SLC2A14: variants seen among roughly 807,000 people sequenced by gnomAD.
The protein encoded by SLC2A14 is solute carrier family 2, facilitated glucose transporter member 14.
A neutral mutation model predicts 43.0 loss-of-function variants in SLC2A14; 13 were observed. The observed-to-expected ratio is 0.30, with a 90% CI of 0.20 to 0.48. The LOEUF (loss-of-function observed/expected upper bound fraction) is 0.48, where lower values mean the gene tolerates loss of function less well. SLC2A14 is among the 20% of genes least tolerant of loss of function. The pLI is 0.99. For synonymous variants in SLC2A14, 190 were observed against 233.8 expected, an observed-to-expected ratio of 0.81 and a Z score of 1.71; for missense variants, 428 against 620.4, an observed-to-expected ratio of 0.69 and a Z score of 3.29.
upstream of SLC2A14, among the ~76,000 whole-genome samples, chr12:7,874,844 T>TTTATATATAAA (rs1491401737): frequency 3.6e-5 from 3 of 84,182 alleles, no homozygotes; most frequent in Non-Finnish European, 5.1e-5. Context: ...TAAATACGTA[T>TTTATATATAAA]TTATATATAA....
intron 3 of SLC2A14, 83 bp downstream of exon 3, chr12:7,832,639 C>A: frequency 6.7e-7 from 1 of 1,501,224 alleles, no homozygotes; most frequent in South Asian, 1.2e-5. Context: ...CCATGCCTGG[C>A]CTTAAATTCT....
chr12:7,888,797 C>CAAAAAAAAAAAA (rs138233883), intron 1 of SLC2A14, among the ~76,000 whole-genome samples: 2 of 104,330 alleles, frequency 1.9e-5, no homozygotes, highest in African/African-American at 7.3e-5. Context: ...GACTCCGTCT[C>CAAAAAAAAAAAA]AAAAAAAAAA....
chr12:7,859,232 T>C (rs1944412301), intron 2 of SLC2A14, among the ~76,000 whole-genome samples: 1 of 151,850 alleles, frequency 6.6e-6, no homozygotes, highest in South Asian at 2.1e-4. Context: ...GTACTAAAAA[T>C]ACAAAAAGTT....
At chr12:7,874,410 A>G, upstream of SLC2A14, among the ~76,000 whole-genome samples, 1 of 152,020 alleles carries the variant, frequency 6.6e-6, no homozygotes, top group East Asian at 1.9e-4. Context: ...GCAGTGGCTC[A>G]TGCCTGTAAT....
At chr12:7,838,029 A>G (rs898970062) in intron 2 of SLC2A14, among the ~76,000 whole-genome samples, 12 of 151,914 alleles carry the variant, frequency 7.9e-5, no homozygotes, top group Non-Finnish European at 2.9e-5. Context: ...AAGTGCTGGG[A>G]TTATAGGTGT....
At chr12:7,846,404 TAA>T (rs34368487) in intron 2 of SLC2A14, among the ~76,000 whole-genome samples, 10 of 142,080 alleles carry the variant, frequency 7.0e-5, no homozygotes, top group African/African-American at 1.8e-4. Flanking sequence ...CATTATTGGT[TAA>T]AAAAAAAAAA....
chr12:7,830,222 C>T lies in SLC2A14; in HGVS notation c.273-216G>A, dbSNP rs769507436. ...GGCTGGAGTGCAGTGGCGCGATCTC[C>T]GCTCACTGCAACCTCTGACTCCCAG... On this transcript the variant is annotated intron_variant, in intron 4 of 10. Transcript: ENST00000431042. Among the ~76,000 whole-genome samples the T allele has an allele frequency of 1.1e-4, 16 of 151,540 alleles. No homozygotes were observed. The East Asian group carries it at 1.6e-3, about 15-fold the overall frequency.
At chr12:7,835,875 T>C (rs1054417849) in intron 2 of SLC2A14, among the ~76,000 whole-genome samples, 2 of 152,194 alleles carry the variant, frequency 1.3e-5, no homozygotes, top group African/African-American at 4.8e-5. Context: ...AGAGTTCACT[T>C]TGAATTTGAT....
At chr12:7,868,486 T>C (rs1215919299) in intron 2 of SLC2A14, among the ~76,000 whole-genome samples, 1 of 152,128 alleles carries the variant, frequency 6.6e-6, no homozygotes, top group Non-Finnish European at 1.5e-5. Context: ...CCCCGTCCAT[T>C]CCACCATTTT....
At chr12:7,853,384 C>T (rs1867093636) in intron 2 of SLC2A14, among the ~76,000 whole-genome samples, 1 of 129,638 alleles carries the variant, frequency 7.7e-6, no homozygotes, top group Non-Finnish European at 1.6e-5. Flanking sequence ...GGTTGCAGAT[C>T]ATGCCATTGC....
At chr12:7,886,354 A>G (rs1244583241) in intron 1 of SLC2A14, among the ~76,000 whole-genome samples, 1 of 15,438 alleles carries the variant, frequency 6.5e-5, no homozygotes, top group African/African-American at 1.6e-4. Flanking sequence ...TTATTTATTT[A>G]TTTATTTATT....
At position 7,826,920 on chromosome 12, in the gene SLC2A14, CT is replaced by C. The variant is rs1864481527; in HGVS notation, c.864+574del. Among the ~76,000 whole-genome samples, 6 of 63,626 alleles carry C rather than the reference CT, an allele frequency of 9.4e-5. 1 individual carries two copies. The highest frequency in any genetic ancestry group is 2.0e-4 in the Non-Finnish European group (6 of 29,846). The allele number at this position is 63,626 out of a possible 152,430, so 41.7% of individuals were successfully genotyped here. A position where few individuals can be genotyped will look rare whatever the true frequency, so the allele number is the denominator to read the frequency against. Reference sequence around the variant, plus strand: ...TTCTTTCTTTCTTTCTTTCTTTTTCCTTTTTCTTTCCTTTCCTTTCCTTTCT... The same window carrying C: ...TTCTTTCTTTCTTTCTTTCTTTTTCCTTTTCTTTCCTTTCCTTTCCTTTCT... On this transcript the variant is annotated intron_variant, in intron 7 of 10. Coordinates refer to ENST00000431042, the MANE Select transcript of SLC2A14 (RefSeq NM_001286234.2).
intron 5 of SLC2A14, among the ~76,000 whole-genome samples, chr12:7,829,560 A>AG: frequency 1.3e-5 from 2 of 152,062 alleles, no homozygotes; most frequent in East Asian, 1.9e-4. Context: ...CTCTCAAAAA[A>AG]AAAAAAAGAA....
intron 2 of SLC2A14, among the ~76,000 whole-genome samples, chr12:7,851,975 C>T (rs1211989389): frequency 6.6e-6 from 1 of 152,128 alleles, no homozygotes. Context: ...GTGACTTCTG[C>T]CCCCATCTCT....
upstream of SLC2A14, among the ~76,000 whole-genome samples, chr12:7,876,981 T>C (rs1945473767): frequency 6.6e-6 from 1 of 151,566 alleles, no homozygotes; most frequent in African/African-American, 2.4e-5. Context: ...AGATCTTGTT[T>C]TTTAAAGCTG....
At chr12:7,868,936 G>T (rs922200385) in intron 2 of SLC2A14, among the ~76,000 whole-genome samples, 2 of 152,062 alleles carry the variant, frequency 1.3e-5, no homozygotes, top group Non-Finnish European at 2.9e-5. Context: ...CCTGAGGTCG[G>T]GAGTTCAAGA....
At chr12:7,875,185 A>ATT (rs1945439904), upstream of SLC2A14, among the ~76,000 whole-genome samples, 1 of 137,538 alleles carries the variant, frequency 7.3e-6, no homozygotes, top group South Asian at 2.1e-4. Flanking sequence ...TATATAATAT[A>ATT]TAAATATATT....
chr12:7,837,679 T>G (rs1230915987), intron 2 of SLC2A14, among the ~76,000 whole-genome samples: 2 of 60,672 alleles, frequency 3.3e-5, no homozygotes, highest in Non-Finnish European at 5.4e-5. Context: ...GGTAACCATT[T>G]TTCTTCTTTT....
chr12:7,842,260 CCA>C (rs1487497993), intron 2 of SLC2A14, among the ~76,000 whole-genome samples: 1 of 152,104 alleles, frequency 6.6e-6, no homozygotes, highest in Non-Finnish European at 1.5e-5. Flanking sequence ...TTTGGATGCA[CCA>C]CAGTTTATCC....
Sources: gnomAD v4.1 joint callset for allele counts (sites outside exome capture counted in the v4.1 genomes callset) on GRCh38, gnomAD v4.1.1 for gene constraint, MANE v1.5 for transcripts, NCBI Gene and HGNC (gene_info 2026-07-23, HGNC 2026-07-21) for gene names.